The following CORO7 variants were observed in gnomAD, a reference collection of about 807,000 sequenced individuals.
CORO7 encodes the protein coronin-7.
Under a neutral mutation model 126.6 loss-of-function variants are expected in CORO7, and 107 were observed. The ratio of observed to expected loss-of-function variants is 0.85; its 90% CI spans 0.72 to 0.99. The LOEUF is 0.99. CORO7 is among the 50% of genes least tolerant of loss of function. The pLI is 0.00. For missense variants in CORO7, 1,314 were observed against 1,255.8 expected (o/e 1.05, Z -0.70); for synonymous variants, 603 against 536.8 (o/e 1.12, Z -1.70).
intron 4 of CORO7, 102 bp from the exon 5 acceptor site, chr16:4,407,786 C>G: frequency 7.2e-7 from 1 of 1,385,808 alleles, no homozygotes; most frequent in Admixed American, 2.8e-5. Context: ...CTAGGCTGCT[C>G]CAGGAGACCA....
Position 4,360,509 on chromosome 16 carries a change from C to A in CORO7, c.1957G>T (p.Ala653Ser). The part of the protein sequence containing the change: ...LAWSPDGQQL[A>S]TVCKDGRVRV... ...ACACGCCCATCCTTGCAGACAGTGG[C>A]CAGCTGCTGCCCATCAGGACTCCAG... Residue 653 changes from alanine (A) to serine (S), a missense_variant, in exon 20 of 28, where the codon GCC becomes TCC. Transcript: ENST00000251166. 6.2e-7 allele frequency: 1 copy of A among 1,611,148 alleles called. No individual in the cohort carries two copies. Among genetic ancestry groups the A allele is most frequent in the Non-Finnish European group, 8.5e-7 (1 of 1,179,206 alleles).
In CORO7 at chr16:4,359,506, T is replaced by C; in HGVS notation, c.2224A>G (p.Thr742Ala). The change falls in exon 22 of 28, where the codon ACT becomes GCT. Residue 742 changes from threonine to alanine, a missense_variant. By Grantham distance (58) the Thr-to-Ala change is moderately conservative. Transcript: ENST00000251166. ...STLLPSYDPDTGLVLLTGKGD... is the reference protein window; with the variant it reads ...STLLPSYDPDAGLVLLTGKGD... ...TTGCCGGTCAGGAGCACCAGGCCAGTGTCTGGGTCGTAGCTGGGCAGCAGG... is the reference window on the plus strand; with the variant it reads ...TTGCCGGTCAGGAGCACCAGGCCAGCGTCTGGGTCGTAGCTGGGCAGCAGG... The C allele has an allele frequency of 6.2e-7, 1 of 1,613,436 alleles. No homozygotes were observed. The highest frequency in any genetic ancestry group is 2.2e-5 in the East Asian group (1 of 44,866).
rs776918264 is a variant in CORO7 at position 4,360,980 on chromosome 16, C to A, written c.1880G>T (p.Gly627Val). The change falls in exon 19 of 28, where the codon GGA becomes GTA. Residue 627 changes from glycine to valine, a missense_variant. By Grantham distance (109) the Gly-to-Val change is moderately radical. Coordinates refer to ENST00000251166, the MANE Select transcript of CORO7 (RefSeq NM_024535.5). ...LTVRIWDLQA[G>V]ADRLKLQGHQ... The stretch of plus-strand genomic sequence containing the variant: ...GCCCTGCAGCTTCAGCCGATCAGCT[C>A]CAGCCTGAAGGTCCCAGATGCGAAC... The A allele has an allele frequency of 2.5e-6, 4 of 1,612,688 alleles. No homozygotes were observed. In the Admixed American group the frequency reaches 6.7e-5, roughly 27 times the overall value.
intron 9 of CORO7, chr16:4,371,785 C>T (rs973812641): frequency 6.6e-6 from 1 of 152,136 alleles, no homozygotes; most frequent in Non-Finnish European, 1.5e-5. Flanking sequence ...GGAGAGGCCC[C>T]GCCCCTGCCG....
intron 24 of CORO7, 42 bp from the exon 25 acceptor site, chr16:4,358,145 T>G (rs2054040172): frequency 3.1e-6 from 5 of 1,589,984 alleles, no homozygotes; most frequent in Non-Finnish European, 4.3e-6. Context: ...ATTGACCAGG[T>G]GCCCAGGGCA....
At chr16:4,395,212 C>A in intron 7 of CORO7, 77 bp downstream of exon 7, 1 of 1,605,816 alleles carries the variant, frequency 6.2e-7, no homozygotes, top group South Asian at 1.1e-5. Context: ...CCTGCCCCTA[C>A]CTCCACCTGC....
chr16:4,363,679 T>G lies in CORO7; in HGVS notation c.1275+597A>C, dbSNP rs370904744. On this transcript the variant is annotated intron_variant, in intron 14 of 27. Transcript: ENST00000251166. ...GTGAGCCGAGATCGCACCATTGCAC[T>G]CCAGCCTAGACGACAGGGCGAGACT... Among the ~76,000 whole-genome samples, 56 of 151,538 alleles carry G rather than the reference T, an allele frequency of 3.7e-4. No homozygotes were observed. The East Asian group carries it at 0.011, about 29-fold the overall frequency.
intron 9 of CORO7, among the ~76,000 whole-genome samples, chr16:4,380,284 G>GGCGGCCC (rs959909482): frequency 7.2e-5 from 11 of 152,170 alleles, no homozygotes; most frequent in Non-Finnish European, 1.5e-5. Flanking sequence ...GCCACTTCCT[G>GGCGGCCC]GCGGCCCGCA....
chr16:4,388,778 C>A, intron 7 of CORO7, 147 bp from the exon 8 acceptor site: 1 of 872,008 alleles, frequency 1.1e-6, no homozygotes, highest in Non-Finnish European at 1.7e-6. Flanking sequence ...TTCTCCACGT[C>A]CCCACTGGGA....
chr16:4,391,148 G>A (rs1473888411), intron 7 of CORO7, among the ~76,000 whole-genome samples: 1 of 152,178 alleles, frequency 6.6e-6, no homozygotes, highest in Non-Finnish European at 1.5e-5. Context: ...GGTGGGCTGG[G>A]CGCAATGGTA....
In CORO7 at chr16:4,365,017, GGCT is replaced by G; in HGVS notation, c.881_883del (p.Gln294del). 3 of 1,605,934 alleles carry G rather than the reference GGCT, an allele frequency of 1.9e-6. No homozygotes were observed. The highest frequency in any genetic ancestry group is 1.7e-6 in the Non-Finnish European group (2 of 1,176,758). On this transcript the variant is annotated inframe_deletion, in exon 11 of 28. Transcript: ENST00000251166. ...GCAAGGCTTACCTGGGCTCAGCGCC[GGCT>G]GCTGCGGGACCACCTCGTAACAGTA... is the stretch of plus-strand genomic sequence containing the variant.
At position 4,362,704 on chromosome 16, in the gene CORO7, G is replaced by A. The variant is rs772756786; in HGVS notation, c.1310C>T (p.Ser437Leu). ...CCCCAGGCTGGAGGGCGTGGAGGGC[G>A]AGGTCAGCGAACTGGGAGGGGAAGA... ...GFSSPPSSLT[S>L]PSTPSSLGPS... is the part of the protein sequence containing the mutation. Residue 437 changes from serine (S) to leucine (L), a missense_variant, in exon 15 of 28, where the codon TCG becomes TTG. Transcript: ENST00000251166. The surrounding 1 kb of genome is among the most constrained non-coding windows in gnomAD (Gnocchi z 5.3). 1.9e-5 allele frequency: 28 copies of A among 1,456,816 alleles called. No homozygotes were observed. The highest frequency in any genetic ancestry group is 5.1e-5 in the Admixed American group (2 of 39,512). The allele number at this position is 1,456,816 out of a possible 1,614,324, so 90.2% of individuals were successfully genotyped here.
At chr16:4,413,547 T>A (rs1258954686) in intron 1 of CORO7, 143 bp from the exon 2 acceptor site, 9 of 761,548 alleles carry the variant, frequency 1.2e-5, no homozygotes, top group Non-Finnish European at 1.8e-5. Flanking sequence ...TTACTTTTTT[T>A]TTCTTTTTGA....
Position 4,413,876 on chromosome 16 carries a change from C to T in CORO7, c.61-472G>A, listed in dbSNP as rs536025005. 2.2e-3 allele frequency among the ~76,000 whole-genome samples: 327 copies of T among 151,830 alleles called. 2 individuals carry two copies. The highest frequency in any genetic ancestry group is 6.8e-3 in the Middle Eastern group (2 of 294). ...TCAAATCAAACTCTGTCCCCACTCA[C>T]GAAGTCCCTTAGGAAATGTAAAATG... On this transcript the variant is annotated intron_variant, in intron 1 of 27. Transcript: ENST00000251166.
At position 4,358,499 on chromosome 16, in the gene CORO7, A is replaced by G. The variant is rs2054055217; in HGVS notation, c.2341-16T>C. ...GGACGAGGCCCTGGGGGAGCAAGGG[A>G]GTCGGAGCTGCCGCTGGGACCTAGA... On this transcript the variant is annotated splice_polypyrimidine_tract_variant and intron_variant, in intron 23 of 27. Coordinates refer to ENST00000251166, the MANE Select transcript of CORO7 (RefSeq NM_024535.5). 1 of 1,572,824 alleles carries G rather than the reference A, an allele frequency of 6.4e-7. No individual in the cohort carries two copies. The highest frequency in any genetic ancestry group is 8.7e-7 in the Non-Finnish European group (1 of 1,155,732).
Position 4,354,766 on chromosome 16 carries a change from C to G in CORO7, c.*392G>C, listed in dbSNP as rs149412584. ...CCAAGGCCCTTGACCAGAACTGGAA[C>G]AGCAGGCAAGATGGGGCAGCGTGGG... is the stretch of plus-strand genomic sequence containing the variant. On this transcript the variant is annotated 3_prime_UTR_variant, in exon 28 of 28. Coordinates refer to ENST00000251166, the MANE Select transcript of CORO7 (RefSeq NM_024535.5). 8.2e-6 allele frequency: 2 copies of G among 242,944 alleles called. No individual in the cohort carries two copies. Among genetic ancestry groups the G allele is most frequent in the Non-Finnish European group, 7.9e-6 (1 of 126,714 alleles). The allele number at this position is 242,944 out of a possible 1,614,324, so 15.0% of individuals were successfully genotyped here.
At chr16:4,395,423 C>T (rs2055548527) in intron 6 of CORO7, 84 bp from the exon 7 acceptor site, 10 of 1,583,540 alleles carry the variant, frequency 6.3e-6, no homozygotes, top group Non-Finnish European at 7.8e-6. Flanking sequence ...ACCTCCCAAC[C>T]CCCAGCTCTG....
chr16:4,382,752 G>T, intron 9 of CORO7: 1 of 1,559,724 alleles, frequency 6.4e-7, no homozygotes, highest in South Asian at 1.2e-5. Flanking sequence ...TGGAACTGGA[G>T]GGAGTGAAGG....
At chr16:4,370,847 G>A (rs2054498804) in intron 9 of CORO7, among the ~76,000 whole-genome samples, 1 of 152,212 alleles carries the variant, frequency 6.6e-6, no homozygotes, top group African/African-American at 2.4e-5. Flanking sequence ...GCCCAGCCAA[G>A]GGCCTTGGCT....
Sources: allele counts gnomAD v4.1 joint callset (sites outside exome capture counted in the v4.1 genomes callset), GRCh38; gene constraint gnomAD v4.1.1; non-coding constraint Gnocchi (gnomAD v3.1); transcripts MANE v1.5; gene names NCBI Gene and HGNC (gene_info 2026-07-23, HGNC 2026-07-21).